Variants in CHRM3 observed in about 807,000 individuals in gnomAD.
CHRM3 encodes the protein muscarinic acetylcholine receptor M3.
In CHRM3, 11 loss-of-function variants were observed where a neutral mutation model predicts 41.8. That is an observed-to-expected ratio of 0.26 (90% CI 0.17 to 0.44). The LOEUF (loss-of-function observed/expected upper bound fraction) is 0.44. CHRM3 is among the 20% of genes least tolerant of loss of function. The pLI is 1.00. For missense variants in CHRM3, 571 were observed against 745.4 expected, an observed-to-expected ratio of 0.77 and a Z score of 2.72; for synonymous variants, 297 against 301.4, an observed-to-expected ratio of 0.99 and a Z score of 0.15.
chr1:239,733,109 G>A (rs936950020), intron 5 of CHRM3, among the ~76,000 whole-genome samples: 2 of 151,930 alleles, frequency 1.3e-5, no homozygotes, highest in African/African-American at 4.8e-5. Context: ...AAGATGTTAC[G>A]GCACATTATC....
At chr1:239,471,314 A>G (rs1421698062) in intron 1 of CHRM3, among the ~76,000 whole-genome samples, 1 of 152,184 alleles carries the variant, frequency 6.6e-6, no homozygotes, top group Non-Finnish European at 1.5e-5. Flanking sequence ...CCAGGTGTTG[A>G]GCAGCAAATC....
At chr1:239,442,623 G>A (rs1476572607) in intron 1 of CHRM3, among the ~76,000 whole-genome samples, 4 of 152,038 alleles carry the variant, frequency 2.6e-5, no homozygotes, top group Non-Finnish European at 5.9e-5. Context: ...CTGAGAGTGC[G>A]TATTTTCACT....
chr1:239,458,728 CT>C (rs1665141226), intron 1 of CHRM3, among the ~76,000 whole-genome samples: 1 of 152,128 alleles, frequency 6.6e-6, no homozygotes. Context: ...AAAGATACTT[CT>C]TTTTAACCTG....
intron 5 of CHRM3, chr1:239,703,435 A>G (rs1660867001): frequency 6.6e-6 from 1 of 152,222 alleles, no homozygotes; most frequent in Non-Finnish European, 1.5e-5. Flanking sequence ...TGACTACCAT[A>G]CAAATCAAGA....
At chr1:239,614,589 A>T (rs932229968) in intron 3 of CHRM3, among the ~76,000 whole-genome samples, 2 of 152,206 alleles carry the variant, frequency 1.3e-5, no homozygotes, top group Non-Finnish European at 2.9e-5. Context: ...CTTGGAGGAC[A>T]TGGACATAAT....
chr1:239,578,820 A>T (rs960206915), intron 3 of CHRM3, among the ~76,000 whole-genome samples: 2 of 152,108 alleles, frequency 1.3e-5, no homozygotes, highest in Non-Finnish European at 2.9e-5. Flanking sequence ...CCCACTCAGG[A>T]TGCACAATTG....
intron 4 of CHRM3, among the ~76,000 whole-genome samples, chr1:239,664,122 T>C (rs1333564881): frequency 6.6e-6 from 1 of 152,186 alleles, no homozygotes; most frequent in Non-Finnish European, 1.5e-5. Flanking sequence ...TAAAAATATT[T>C]TTAGGACATC....
chr1:239,590,199 G>T (rs1449080039), intron 3 of CHRM3, among the ~76,000 whole-genome samples: 1 of 152,070 alleles, frequency 6.6e-6, no homozygotes, highest in African/African-American at 2.4e-5. Context: ...GCTACTCCTG[G>T]TGTGGAGTAA....
In CHRM3 at chr1:239,734,176, A is replaced by T. The variant is rs117582549; in HGVS notation, c.-147+55888A>T. On this transcript the variant is annotated intron_variant, in intron 5 of 6. Coordinates refer to ENST00000676153, the MANE Select transcript of CHRM3 (RefSeq NM_001375978.1). The stretch of plus-strand genomic sequence containing the variant: ...CATTCACATGTAGCTTTTTAACAGT[A>T]ATTTACCACTTAAGGGAAATAATTC... 9.5e-4 allele frequency among the ~76,000 whole-genome samples: 145 copies of T among 152,184 alleles called. 2 individuals carry two copies. The highest frequency in any genetic ancestry group is 7.9e-3 in the Admixed American group (120 of 15,262).
At chr1:239,806,974 A>C (rs768784591) in intron 5 of CHRM3, among the ~76,000 whole-genome samples, 3 of 152,204 alleles carry the variant, frequency 2.0e-5, no homozygotes, top group African/African-American at 4.8e-5. Context: ...GCCAGAGAAT[A>C]TTCTACTTGT....
At chr1:239,621,496 C>G (rs953946623) in intron 3 of CHRM3, among the ~76,000 whole-genome samples, 1 of 152,042 alleles carries the variant, frequency 6.6e-6, no homozygotes, top group Non-Finnish European at 1.5e-5. Context: ...GTTGTGAATG[C>G]AAAGGAAAAG....
chr1:239,440,104 A>C (rs537767195), intron 1 of CHRM3, among the ~76,000 whole-genome samples: 2 of 150,770 alleles, frequency 1.3e-5, no homozygotes, highest in African/African-American at 4.9e-5. Context: ...AAGCTGAGGC[A>C]GGAGAGTCAC....
chr1:239,658,261 A>G (rs140365480), intron 4 of CHRM3, among the ~76,000 whole-genome samples: 9 of 152,304 alleles, frequency 5.9e-5, no homozygotes, highest in Non-Finnish European at 1.2e-4. Flanking sequence ...CCTCTGTTTG[A>G]CTGACAATAC....
chr1:239,771,242 T>C (rs1322460599), intron 5 of CHRM3, among the ~76,000 whole-genome samples: 1 of 152,146 alleles, frequency 6.6e-6, no homozygotes, highest in Non-Finnish European at 1.5e-5. Context: ...CATCCAATTA[T>C]CATTCTCAAT....
At chr1:239,679,035 A>G (rs962397022) in intron 5 of CHRM3, among the ~76,000 whole-genome samples, 3 of 151,618 alleles carry the variant, frequency 2.0e-5, no homozygotes, top group African/African-American at 7.3e-5. Context: ...ATGGATAGAT[A>G]GATAGATAGA....
intron 5 of CHRM3, among the ~76,000 whole-genome samples, chr1:239,789,673 TACTC>T (rs1257327548): frequency 6.6e-6 from 1 of 152,128 alleles, no homozygotes; most frequent in Non-Finnish European, 1.5e-5. Flanking sequence ...AGAGCGAACT[TACTC>T]ACCATCCCCA....
chr1:239,522,724 T>A (rs943093026), intron 2 of CHRM3, among the ~76,000 whole-genome samples: 17 of 152,172 alleles, frequency 1.1e-4, no homozygotes. Flanking sequence ...CACTTTCTCC[T>A]TCCAAGAACT....
At chr1:239,524,448 C>T (rs978024450) in intron 2 of CHRM3, among the ~76,000 whole-genome samples, 1 of 151,516 alleles carries the variant, frequency 6.6e-6, no homozygotes, top group African/African-American at 2.4e-5. Flanking sequence ...TTTGGAAATA[C>T]GGACAAAGCA....
At chr1:239,601,413 T>A (rs528615720) in intron 3 of CHRM3, among the ~76,000 whole-genome samples, 8 of 152,318 alleles carry the variant, frequency 5.3e-5, no homozygotes, top group Non-Finnish European at 1.0e-4. Flanking sequence ...AATGTCAATA[T>A]GCATGAAAAT....
Sources: allele counts gnomAD v4.1 joint callset (sites outside exome capture counted in the v4.1 genomes callset), GRCh38; gene constraint gnomAD v4.1.1; transcripts MANE v1.5; gene names NCBI Gene and HGNC (gene_info 2026-07-23, HGNC 2026-07-21).